PCDHGB1: variants seen among roughly 807,000 people sequenced by gnomAD.
PCDHGB1 encodes protocadherin gamma subfamily B, 1.
PCDHGB1 carries 34 observed loss-of-function variants against 56.6 expected under a neutral mutation model. That is an observed-to-expected ratio of 0.60 (90% confidence interval 0.46 to 0.80). PCDHGB1 has a LOEUF of 0.80. Ranked by LOEUF, PCDHGB1 falls within the 30% of genes least tolerant of loss-of-function variation. The pLI is 0.00. For synonymous variants in PCDHGB1, 561 were observed against 505.9 expected, an observed-to-expected ratio of 1.11 and a Z score of -1.46; for missense variants, 1,278 against 1,204.6, an observed-to-expected ratio of 1.06 and a Z score of -0.90.
chr5:141,399,807 C>T, intron 1 of PCDHGB1: 1 of 1,613,222 alleles, frequency 6.2e-7, no homozygotes, highest in Non-Finnish European at 8.5e-7. Context: ...GGGTGCTGTA[C>T]CCCGCGCTGG....
chr5:141,368,244 T>G (rs1016552199), intron 1 of PCDHGB1, among the ~76,000 whole-genome samples: 4 of 152,156 alleles, frequency 2.6e-5, no homozygotes, highest in Non-Finnish European at 5.9e-5. Flanking sequence ...CTCAACCACA[T>G]GAAAGGTTAA....
In PCDHGB1 at chr5:141,351,367, C is replaced by A. The variant is rs1253333383; in HGVS notation, c.1107C>A (p.Asp369Glu). Residue 369 changes from aspartate to glutamate, a missense_variant, in exon 1 of 4, where the codon GAC becomes GAA. Coordinates refer to ENST00000523390, the MANE Select transcript of PCDHGB1 (RefSeq NM_018922.3). Reference protein sequence around the residue: ...GTVIALIKVRDKDSGQNGMVT... With the variant: ...GTVIALIKVREKDSGQNGMVT... ...TAATAGCCCTCATAAAAGTGCGAGA[C>A]AAGGATTCTGGGCAAAATGGCATGG... 4.3e-6 allele frequency: 7 copies of A among 1,612,708 alleles called. No homozygotes were observed. The highest frequency in any genetic ancestry group is 1.7e-6 in the Non-Finnish European group (2 of 1,179,322).
At chr5:141,449,055 A>T (rs1056298558) in intron 1 of PCDHGB1, among the ~76,000 whole-genome samples, 1 of 152,188 alleles carries the variant, frequency 6.6e-6, no homozygotes, top group Non-Finnish European at 1.5e-5. Context: ...CTCATAAATG[A>T]GCGCTATTGA....
intron 1 of PCDHGB1, among the ~76,000 whole-genome samples, chr5:141,467,421 G>T (rs957302311): frequency 6.6e-6 from 1 of 152,100 alleles, no homozygotes; most frequent in African/African-American, 2.4e-5. Flanking sequence ...CCACACCTAG[G>T]TTATAGAAAC....
intron 1 of PCDHGB1, among the ~76,000 whole-genome samples, chr5:141,472,273 G>A (rs2099275685): frequency 6.6e-6 from 1 of 152,170 alleles, no homozygotes; most frequent in South Asian, 2.1e-4. Context: ...CGGGCACAGT[G>A]GCTCACACCT....
At chr5:141,456,821 A>G (rs1432134342) in intron 1 of PCDHGB1, among the ~76,000 whole-genome samples, 2 of 151,744 alleles carry the variant, frequency 1.3e-5, no homozygotes, top group Admixed American at 6.6e-5. Context: ...AAAATTAGCC[A>G]TCGTGGTAGT....
At chr5:141,394,260 G>A (rs779006100) in intron 1 of PCDHGB1, 2 of 1,613,802 alleles carry the variant, frequency 1.2e-6, no homozygotes, top group African/African-American at 2.7e-5. Flanking sequence ...CGACAGCCAG[G>A]AGAATGCCCA....
chr5:141,415,966 C>G, intron 1 of PCDHGB1: 1 of 405,604 alleles, frequency 2.5e-6, no homozygotes, highest in Non-Finnish European at 4.0e-6. Flanking sequence ...AAACTCCAGC[C>G]CCTTAAGCAA....
At chr5:141,370,694 G>A (rs1213038173) in intron 1 of PCDHGB1, 20 of 1,613,794 alleles carry the variant, frequency 1.2e-5, no homozygotes, top group Non-Finnish European at 1.6e-5. Flanking sequence ...GCAAGAAGTC[G>A]ACGTGTGTTC....
intron 1 of PCDHGB1, chr5:141,415,308 C>A: frequency 6.2e-7 from 1 of 1,614,236 alleles, no homozygotes; most frequent in Non-Finnish European, 8.5e-7. Context: ...TCCTGGCCTT[C>A]GTCATCGTGC....
At chr5:141,399,625 T>C (rs1270466401) in intron 1 of PCDHGB1, 9 of 1,613,796 alleles carry the variant, frequency 5.6e-6, no homozygotes, top group African/African-American at 1.3e-5. Context: ...ACTGGCCTCT[T>C]ACGTGTCCAT....
At chr5:141,418,341 A>G (rs1407312724) in intron 1 of PCDHGB1, 1 of 1,614,006 alleles carries the variant, frequency 6.2e-7, no homozygotes, top group South Asian at 1.1e-5. Context: ...GAAGATCCTG[A>G]TATTAGTATG....
intron 1 of PCDHGB1, among the ~76,000 whole-genome samples, chr5:141,439,406 C>T (rs2098110611): frequency 6.6e-6 from 1 of 152,190 alleles, no homozygotes; most frequent in Non-Finnish European, 1.5e-5. Flanking sequence ...CATGTGCTAA[C>T]ATCACTGAGG....
At chr5:141,466,022 T>C (rs1053231186) in intron 1 of PCDHGB1, among the ~76,000 whole-genome samples, 4 of 151,628 alleles carry the variant, frequency 2.6e-5, no homozygotes, top group African/African-American at 9.7e-5. Flanking sequence ...CTCGGGAGGG[T>C]GAGGCAGGAG....
At chr5:141,362,039 G>A (rs1434989183) in intron 1 of PCDHGB1, 1 of 1,610,428 alleles carries the variant, frequency 6.2e-7, no homozygotes, top group Admixed American at 1.7e-5. Flanking sequence ...TTGGGCGACA[G>A]GGACGCGGCC....
At chr5:141,398,223 G>C (rs995722310) in intron 1 of PCDHGB1, 1 of 1,482,728 alleles carries the variant, frequency 6.7e-7, no homozygotes, top group South Asian at 1.3e-5. Context: ...TCTGTGAGCA[G>C]ATCCGCTACA....
At chr5:141,382,959 G>A (rs994078805) in intron 1 of PCDHGB1, 3 of 1,607,324 alleles carry the variant, frequency 1.9e-6, no homozygotes, top group African/African-American at 1.3e-5. Flanking sequence ...CCATCCTCCT[G>A]GGGACCCCCT....
rs1488535360 is a variant in PCDHGB1 at position 141,350,571 on chromosome 5, A to G, written c.311A>G (p.Glu104Gly). The change falls in exon 1 of 4, where the codon GAA becomes GGA. Residue 104 changes from glutamate to glycine, a missense_variant. Glu to Gly is a moderately conservative substitution (Grantham distance 98). Coordinates refer to ENST00000523390, the MANE Select transcript of PCDHGB1 (RefSeq NM_018922.3). ...GRKLECALEFETVAENPMNVF... is the reference protein window; with the variant it reads ...GRKLECALEFGTVAENPMNVF... Reference sequence around the variant, plus strand: ...AAACTTGAGTGTGCACTAGAATTCGAAACGGTCGCTGAAAACCCAATGAAT... The same window carrying G: ...AAACTTGAGTGTGCACTAGAATTCGGAACGGTCGCTGAAAACCCAATGAAT... 6.2e-7 allele frequency: 1 copy of G among 1,614,072 alleles called. No homozygotes were observed. Among genetic ancestry groups the G allele is most frequent in the South Asian group, 1.1e-5 (1 of 91,090 alleles).
rs375310818 is a variant in PCDHGB1 at position 141,376,558 on chromosome 5, C to A, written c.2409+23889C>A. On this transcript the variant is annotated intron_variant, in intron 1 of 3. Transcript: ENST00000523390. Reference sequence around the variant, plus strand: ...AAGAGTAATCTGATCTTCCCGCAACCCAACTAATCAGACAGGCTCATCAGC... The same window carrying A: ...AAGAGTAATCTGATCTTCCCGCAACACAACTAATCAGACAGGCTCATCAGC... The A allele has an allele frequency of 6.2e-6, 10 of 1,609,858 alleles. No individual in the cohort carries two copies. In the African/African-American group the frequency reaches 1.3e-4, roughly 22 times the overall value.
Sources: allele counts gnomAD v4.1 joint callset (sites outside exome capture counted in the v4.1 genomes callset), GRCh38; gene constraint gnomAD v4.1.1; transcripts MANE v1.5; gene names NCBI Gene and HGNC (gene_info 2026-07-23, HGNC 2026-07-21).